The following HACD4 variants were observed in gnomAD, a reference collection of about 807,000 sequenced individuals.
HACD4 encodes the protein 3-hydroxyacyl-CoA dehydratase 4, also known as very-long-chain (3R)-3-hydroxyacyl-CoA dehydratase 4.
In HACD4, 35 loss-of-function variants were observed where a neutral mutation model predicts 33.3. The observed-to-expected ratio is 1.05, with a 90% CI of 0.80 to 1.39. The LOEUF is 1.39. Ranked by LOEUF, HACD4 falls within the 40% of genes most tolerant of loss-of-function variation. HACD4 has a pLI of 0.00. For missense variants in HACD4, 323 were observed against 276.5 expected (o/e 1.17, Z -1.19); for synonymous variants, 118 against 98.0 (o/e 1.20, Z -1.21).
intron 2 of HACD4, among the ~76,000 whole-genome samples, chr9:21,028,147 AAAAAGAAAAAAG>A (rs1818112153): frequency 6.6e-6 from 1 of 151,010 alleles, no homozygotes; most frequent in Non-Finnish European, 1.5e-5. Flanking sequence ...AAAAAAAAAA[AAAAAGAAAAAAG>A]AAAAGAAAAA....
intron 5 of HACD4, among the ~76,000 whole-genome samples, chr9:21,011,251 T>C (rs955518877): frequency 1.3e-5 from 2 of 152,214 alleles, no homozygotes; most frequent in African/African-American, 2.4e-5. Flanking sequence ...TTTCTGTGCA[T>C]TAAAAGTTAA....
intron 3 of HACD4, 122 bp downstream of exon 3, chr9:21,026,474 C>G: frequency 2.7e-6 from 2 of 753,862 alleles, no homozygotes; most frequent in South Asian, 1.9e-5. Flanking sequence ...GAAATTAATT[C>G]TCCTTATCAG....
At chr9:21,012,188 G>T (rs538253217) in intron 4 of HACD4, among the ~76,000 whole-genome samples, 1 of 152,312 alleles carries the variant, frequency 6.6e-6, no homozygotes, top group Admixed American at 6.5e-5. Flanking sequence ...GTATAGTAGG[G>T]AGCTTTAAGC....
Position 21,002,907 on chromosome 9 carries a change from T to G in HACD4, c.*4130A>C, listed in dbSNP as rs952475476. The G allele has an allele frequency of 5.3e-5, 8 of 152,200 alleles. No homozygotes were observed. Among genetic ancestry groups the G allele is most frequent in the African/African-American group, 9.7e-5 (4 of 41,444 alleles). 9.4% of individuals were successfully genotyped at this position (152,200 alleles called of 1,614,324 possible). On this transcript the variant is annotated 3_prime_UTR_variant, in exon 7 of 7. Coordinates refer to ENST00000495827, the MANE Select transcript of HACD4 (RefSeq NM_001010915.5). ...GTCAAAGACATCAACTTTGCGATTT[T>G]GGTAACATCCGATTAACCAGATAGT...
At chr9:21,024,911 C>A (rs998899332) in intron 3 of HACD4, among the ~76,000 whole-genome samples, 1 of 152,152 alleles carries the variant, frequency 6.6e-6, no homozygotes, top group African/African-American at 2.4e-5. Flanking sequence ...TTTTATTTAA[C>A]GTTAGTTGTT....
At chr9:21,011,492 C>T (rs955625107) in intron 5 of HACD4, 97 bp downstream of exon 5, 23 of 755,764 alleles carry the variant, frequency 3.0e-5, no homozygotes, top group East Asian at 2.4e-4. Flanking sequence ...GCTAAGCATT[C>T]GCAAAAATAG....
At chr9:21,021,234 T>G (rs1817900105) in intron 3 of HACD4, among the ~76,000 whole-genome samples, 1 of 152,146 alleles carries the variant, frequency 6.6e-6, no homozygotes, top group Admixed American at 6.5e-5. Flanking sequence ...TATCTCAAAA[T>G]AATAAGAGCT....
intron 1 of HACD4, among the ~76,000 whole-genome samples, chr9:21,031,111 T>C (rs1482389956): frequency 1.3e-5 from 2 of 152,242 alleles, no homozygotes; most frequent in East Asian, 3.9e-4. Context: ...GTTAAACATA[T>C]ACACCCCCAG....
At chr9:21,031,206 T>TA in intron 1 of HACD4, among the ~76,000 whole-genome samples, 1 of 152,258 alleles carries the variant, frequency 6.6e-6, no homozygotes, top group South Asian at 2.1e-4. Context: ...CCACGGCTGT[T>TA]ACATCTAAAA....
intron 3 of HACD4, among the ~76,000 whole-genome samples, chr9:21,021,598 G>C (rs971142628): frequency 2.0e-5 from 3 of 152,058 alleles, no homozygotes; most frequent in Admixed American, 1.3e-4. Flanking sequence ...GACAAACAGA[G>C]AGCCAAATCA....
chr9:21,025,586 C>A (rs891240217), intron 3 of HACD4, among the ~76,000 whole-genome samples: 1 of 152,114 alleles, frequency 6.6e-6, no homozygotes, highest in South Asian at 2.1e-4. Flanking sequence ...CTTATAGTTG[C>A]CTAACCTTTA....
intron 5 of HACD4, among the ~76,000 whole-genome samples, chr9:21,009,530 T>A (rs2132768914): frequency 6.6e-6 from 1 of 152,190 alleles, no homozygotes; most frequent in East Asian, 1.9e-4. Context: ...CTTTATATAT[T>A]CTTTTAAATT....
chr9:21,027,095 T>A (rs779291080), intron 2 of HACD4, among the ~76,000 whole-genome samples: 1 of 152,214 alleles, frequency 6.6e-6, no homozygotes, highest in Admixed American at 6.5e-5. Flanking sequence ...AAGGACACTA[T>A]GTGCTCACAG....
chr9:21,003,608 A>AATAAGTTACC lies in HACD4; in HGVS notation c.*3419_*3428dup. ...CTTTCCAAATGTTTTCTTTAGTGGA[A>AATAAGTTACC]ATAAGTTACCCATTTTTAAAATTAC... is the stretch of plus-strand genomic sequence containing the variant. On this transcript the variant is annotated 3_prime_UTR_variant, in exon 7 of 7. Transcript: ENST00000495827. 1 of 152,284 alleles carries AATAAGTTACC rather than the reference A, an allele frequency of 6.6e-6. No individual in the cohort carries two copies. The highest frequency in any genetic ancestry group is 2.1e-4 in the South Asian group (1 of 4,828). 9.4% of individuals were successfully genotyped at this position (152,284 alleles called of 1,614,324 possible).
intron 2 of HACD4, among the ~76,000 whole-genome samples, chr9:21,028,886 G>A (rs964119009): frequency 6.6e-6 from 1 of 152,192 alleles, no homozygotes; most frequent in African/African-American, 2.4e-5. Flanking sequence ...TCACTTACTA[G>A]TAGTCTCCAG....
chr9:21,015,702 C>A (rs1214182405), intron 4 of HACD4, 196 bp downstream of exon 4: 1 of 448,204 alleles, frequency 2.2e-6, no homozygotes, highest in Non-Finnish European at 4.0e-6. Context: ...CTTGTAATAC[C>A]ACGGTAGGTT....
At chr9:21,020,611 C>T (rs1817884380) in intron 3 of HACD4, among the ~76,000 whole-genome samples, 1 of 152,088 alleles carries the variant, frequency 6.6e-6, no homozygotes, top group South Asian at 2.1e-4. Context: ...AGTTTGCAAG[C>T]TCATTTCGGA....
intron 4 of HACD4, among the ~76,000 whole-genome samples, chr9:21,014,937 G>A (rs763562625): frequency 2.0e-5 from 3 of 152,084 alleles, no homozygotes; most frequent in Non-Finnish European, 4.4e-5. Context: ...ATAGCCAAGA[G>A]TAACATACTA....
Position 21,031,544 on chromosome 9 carries a change from G to A in HACD4, c.38+9C>T, listed in dbSNP as rs928296458. On this transcript the variant is annotated intron_variant, in intron 1 of 6. Transcript: ENST00000495827. ...CCCCCTCCCCTCGGGATTCGGCCGAGCGCCCTACCTGGGCTGCAGCCAGGC... is the reference window on the plus strand; with the variant it reads ...CCCCCTCCCCTCGGGATTCGGCCGAACGCCCTACCTGGGCTGCAGCCAGGC... 6.8e-7 allele frequency: 1 copy of A among 1,465,128 alleles called. No individual in the cohort carries two copies. The highest frequency in any genetic ancestry group is 9.0e-7 in the Non-Finnish European group (1 of 1,115,334). The allele number at this position is 1,465,128 out of a possible 1,614,324, so 90.8% of individuals were successfully genotyped here.
Sources: gnomAD v4.1 joint callset for allele counts (sites outside exome capture counted in the v4.1 genomes callset) on GRCh38, gnomAD v4.1.1 for gene constraint, MANE v1.5 for transcripts, NCBI Gene and HGNC (gene_info 2026-07-23, HGNC 2026-07-21) for gene names.